DPP3: variants seen among roughly 807,000 people sequenced by gnomAD.
DPP3 encodes the protein DPP III.
DPP3 carries 64 observed loss-of-function variants against 89.8 expected under a neutral mutation model. The ratio of observed to expected loss-of-function variants is 0.71; its 90% CI spans 0.58 to 0.88. DPP3 has a LOEUF of 0.88. DPP3 is among the 40% of genes least tolerant of loss of function. The pLI is 0.00. For missense variants in DPP3, 835 were observed against 972.5 expected (o/e 0.86, Z 1.88); for synonymous variants, 377 against 404.3 (o/e 0.93, Z 0.81).
At chr11:66,484,520 C>G (rs1229118090) in intron 2 of DPP3, among the ~76,000 whole-genome samples, 1 of 152,050 alleles carries the variant, frequency 6.6e-6, no homozygotes, top group Non-Finnish European at 1.5e-5. Context: ...TGTACAGAGG[C>G]TCTTTGCCAA....
intron 1 of DPP3, among the ~76,000 whole-genome samples, chr11:66,481,306 T>C (rs1855071906): frequency 1.3e-5 from 2 of 152,022 alleles, no homozygotes; most frequent in Non-Finnish European, 2.9e-5. Context: ...CTGGACAAAA[T>C]AGCGAGACCC....
intron 7 of DPP3, 22 bp downstream of exon 7, chr11:66,491,405 G>C: frequency 6.2e-7 from 1 of 1,611,728 alleles, no homozygotes; most frequent in Non-Finnish European, 8.5e-7. Context: ...TGGGGGCTGA[G>C]GGGTGCGGGC....
At chr11:66,488,718 G>A (rs1424451400) in intron 6 of DPP3, among the ~76,000 whole-genome samples, 1 of 152,138 alleles carries the variant, frequency 6.6e-6, no homozygotes, top group Non-Finnish European at 1.5e-5. Context: ...AGGCCTTTAT[G>A]AAGACCTTTG....
rs1855110156 is a variant in DPP3, at chr11:66,482,359, C to G, written c.159C>G (p.Ser53=). Reference sequence around the variant, plus strand: ...GCCTGGCTGTGCTGCTTCAGACCTCCCCTGAGGCCCCCTACATCTATGCTC... The same window carrying G: ...GCCTGGCTGTGCTGCTTCAGACCTCGCCTGAGGCCCCCTACATCTATGCTC... The part of the protein sequence containing the change: ...YGGLAVLLQT[S]PEAPYIYALL... Residue 53 remains serine, a synonymous_variant, in exon 2 of 18, where the codon TCC becomes TCG. Transcript: ENST00000531863. 9 of 1,612,932 alleles carry G rather than the reference C, an allele frequency of 5.6e-6. No homozygotes were observed. The highest frequency in any genetic ancestry group is 6.8e-6 in the Non-Finnish European group (8 of 1,180,038).
chr11:66,491,797 C>G (rs1855400834), intron 9 of DPP3, 41 bp downstream of exon 9: 2 of 1,607,536 alleles, frequency 1.2e-6, no homozygotes, highest in Non-Finnish European at 1.7e-6. Context: ...GTCCCTTCCC[C>G]CACATCCAAG....
chr11:66,486,438 G>C lies in DPP3; in HGVS notation c.361-102G>C. 5 of 1,339,480 alleles carry C rather than the reference G, an allele frequency of 3.7e-6. No homozygotes were observed. In the South Asian group the frequency reaches 8.6e-5, roughly 23 times the overall value. 83.0% of individuals were successfully genotyped at this position (1,339,480 alleles called of 1,614,324 possible). ...GGTCCATGGACCACACAATGAGCCA[G>C]AGCTCTTAGATCATAGGAGAAGAGC... On this transcript the variant is annotated intron_variant, in intron 3 of 17. Coordinates refer to ENST00000531863, the MANE Select transcript of DPP3 (RefSeq NM_130443.4).
At position 66,485,588 on chromosome 11, in the gene DPP3, G is replaced by A. The variant is rs558861369; in HGVS notation, c.360+326G>A. On this transcript the variant is annotated intron_variant, in intron 3 of 17. Coordinates refer to ENST00000531863, the MANE Select transcript of DPP3 (RefSeq NM_130443.4). ...CAGGAACAGTGGGAAGTGCTGGGCC[G>A]GGGGCATCCCTCCCAGGGTTATGAG... Among the ~76,000 whole-genome samples the A allele has an allele frequency of 4.6e-5, 7 of 152,320 alleles. No individual in the cohort carries two copies. The East Asian group carries it at 7.7e-4, about 17-fold the overall frequency.
chr11:66,506,633 C>T (rs921144337), intron 17 of DPP3, among the ~76,000 whole-genome samples: 2 of 152,044 alleles, frequency 1.3e-5, no homozygotes, highest in Non-Finnish European at 1.5e-5. Context: ...TGGCCCCAAC[C>T]CTTGCCAGCC....
Position 66,497,395 on chromosome 11 carries a change from C to T in DPP3, c.1796C>T (p.Pro599Leu), listed in dbSNP as rs1322569160. ...ITPTTGSDGR[P>L]DARVRLDRSK... ...CCCACCACAGGCTCCGATGGGCGCC[C>T]AGATGCCCGGGTCCGCCTCGACCGC... The change falls in exon 16 of 18, where the codon CCA becomes CTA. Residue 599 changes from proline (P) to leucine (L), a missense_variant. Transcript: ENST00000531863. 6.2e-7 allele frequency: 1 copy of T among 1,614,008 alleles called. No homozygotes were observed. Among genetic ancestry groups the T allele is most frequent in the East Asian group, 2.2e-5 (1 of 44,890 alleles).
At chr11:66,486,459 A>G (rs986578269) in intron 3 of DPP3, 81 bp from the exon 4 acceptor site, 7 of 1,390,238 alleles carry the variant, frequency 5.0e-6, no homozygotes, top group Non-Finnish European at 6.6e-6. Flanking sequence ...TCATAGGAGA[A>G]GAGCTTGGGA....
chr11:66,509,636 T>G lies in DPP3; in HGVS notation c.*385T>G. The stretch of plus-strand genomic sequence containing the variant: ...CATATTAATTTTATAACCAGACAAA[T>G]AAATATTAGAGACAACCACCATCTT... On this transcript the variant is annotated 3_prime_UTR_variant, in exon 18 of 18. Transcript: ENST00000531863. 1.9e-6 allele frequency: 1 copy of G among 529,138 alleles called. No homozygotes were observed. The highest frequency in any genetic ancestry group is 1.8e-5 in the South Asian group (1 of 54,674). 32.8% of individuals were successfully genotyped at this position (529,138 alleles called of 1,614,324 possible). A position where few individuals can be genotyped will look rare whatever the true frequency, so the allele number is the denominator to read the frequency against.
Position 66,495,261 on chromosome 11 carries a change from G to T in DPP3, c.1445G>T (p.Gly482Val). The T allele has an allele frequency of 4.3e-6, 7 of 1,613,256 alleles. No individual in the cohort carries two copies. Among genetic ancestry groups the T allele is most frequent in the Non-Finnish European group, 5.9e-6 (7 of 1,180,024 alleles). ...DQETVINPET[G>V]EQIQSWYRSG... The stretch of plus-strand genomic sequence containing the variant: ...GAAACAGTGATCAACCCAGAGACGG[G>T]CGAGCAGGTGAGGGAGGCCTCAGCA... The change falls in exon 13 of 18, where the codon GGC (glycine) becomes GTC (valine). Residue 482 changes from glycine to valine, a missense_variant. By Grantham distance (109) the Gly-to-Val change is moderately radical. Coordinates refer to ENST00000531863, the MANE Select transcript of DPP3 (RefSeq NM_130443.4).
chr11:66,503,136 T>G (rs938354062), intron 16 of DPP3, among the ~76,000 whole-genome samples: 1 of 151,742 alleles, frequency 6.6e-6, no homozygotes, highest in Non-Finnish European at 1.5e-5. Flanking sequence ...CCTGGCTAGT[T>G]TTTATATTTT....
chr11:66,498,757 C>T (rs113221917), intron 16 of DPP3, among the ~76,000 whole-genome samples: 16 of 152,334 alleles, frequency 1.1e-4, no homozygotes, highest in African/African-American at 3.8e-4. Flanking sequence ...CGTGATGGCT[C>T]ATGCCTGTAA....
intron 1 of DPP3, 80 bp from the exon 2 acceptor site, chr11:66,482,113 A>G: frequency 6.5e-7 from 1 of 1,547,446 alleles, no homozygotes; most frequent in Non-Finnish European, 8.8e-7. Context: ...GGAGGATTAA[A>G]TGAGATCATA....
intron 16 of DPP3, among the ~76,000 whole-genome samples, 162 bp from the exon 17 acceptor site, chr11:66,504,450 G>T (rs2134752096): frequency 6.6e-6 from 1 of 152,224 alleles, no homozygotes; most frequent in African/African-American, 2.4e-5. Flanking sequence ...TGGTTAAGTT[G>T]AAACTTAACC....
At chr11:66,494,881 C>T (rs920249299) in intron 12 of DPP3, among the ~76,000 whole-genome samples, 1 of 152,148 alleles carries the variant, frequency 6.6e-6, no homozygotes, top group Non-Finnish European at 1.5e-5. Flanking sequence ...ATTGGGGCAT[C>T]TCCCACTGGG....
intron 6 of DPP3, among the ~76,000 whole-genome samples, chr11:66,490,115 A>G (rs928513111): frequency 6.8e-6 from 1 of 146,520 alleles, no homozygotes; most frequent in Non-Finnish European, 1.5e-5. Flanking sequence ...GGAGTCTGAG[A>G]TCAACTGGGC....
intron 6 of DPP3, among the ~76,000 whole-genome samples, chr11:66,490,193 C>T (rs894151735): frequency 7.2e-6 from 1 of 139,202 alleles, no homozygotes; most frequent in African/African-American, 2.6e-5. Context: ...ACAGGAAATA[C>T]TGTGGCTATT....
Sources: allele counts gnomAD v4.1 joint callset (sites outside exome capture counted in the v4.1 genomes callset), GRCh38; gene constraint gnomAD v4.1.1; transcripts MANE v1.5; gene names NCBI Gene and HGNC (gene_info 2026-07-23, HGNC 2026-07-21).